Variants in SDK1 observed in about 807,000 individuals in gnomAD.
The protein encoded by SDK1 is sidekick cell adhesion molecule 1, also known as protein sidekick-1.
Under a neutral mutation model 245.5 loss-of-function variants are expected in SDK1, and 157 were observed. The observed-to-expected ratio is 0.64, with a 90% CI of 0.56 to 0.73. The LOEUF (loss-of-function observed/expected upper bound fraction) is 0.73, where lower values mean the gene tolerates loss of function less well. Ranked by LOEUF, SDK1 falls within the 30% of genes least tolerant of loss-of-function variation. The pLI is 0.00. For missense variants in SDK1, 3,583 were observed against 3,002.3 expected (o/e 1.19, Z -4.52); for synonymous variants, 1,647 against 1,278.5 (o/e 1.29, Z -6.15).
At chr7:4,225,894 G>T (rs1050795607) in intron 40 of SDK1, among the ~76,000 whole-genome samples, 1 of 152,098 alleles carries the variant, frequency 6.6e-6, no homozygotes, top group African/African-American at 2.4e-5. Context: ...TTCAAAAGCA[G>T]GTCGCCAACG....
intron 4 of SDK1, among the ~76,000 whole-genome samples, chr7:3,688,953 G>C (rs770557227): frequency 1.3e-5 from 2 of 152,104 alleles, no homozygotes; most frequent in Admixed American, 6.5e-5. Context: ...TCTAGGACAG[G>C]TCAGCAGACT....
chr7:3,951,044 G>C lies in SDK1; in HGVS notation c.959+10G>C. The stretch of plus-strand genomic sequence containing the variant: ...GTATAGCCAGTGCCAGGTACGAGGC[G>C]CGTCTCCTGTGAGACTCCTAGTAAA... On this transcript the variant is annotated intron_variant, in intron 6 of 44. Coordinates refer to ENST00000404826, the MANE Select transcript of SDK1 (RefSeq NM_152744.4). 1 of 1,579,964 alleles carries C rather than the reference G, an allele frequency of 6.3e-7. No individual in the cohort carries two copies. Among genetic ancestry groups the C allele is most frequent in the Non-Finnish European group, 8.7e-7 (1 of 1,148,856 alleles).
chr7:3,642,156 C>G (rs1189983796), intron 4 of SDK1, 51 bp downstream of exon 4: 1 of 1,560,756 alleles, frequency 6.4e-7, no homozygotes, highest in South Asian at 1.1e-5. Flanking sequence ...ATGTCACTTG[C>G]TGGCACCATC....
chr7:3,390,546 T>C (rs896798518), intron 1 of SDK1, among the ~76,000 whole-genome samples: 14 of 152,206 alleles, frequency 9.2e-5, no homozygotes, highest in Admixed American at 3.9e-4. Flanking sequence ...TTTGCAGATG[T>C]AATTAAATAA....
chr7:3,670,745 C>T (rs1783675159), intron 4 of SDK1, among the ~76,000 whole-genome samples: 1 of 152,216 alleles, frequency 6.6e-6, no homozygotes, highest in Non-Finnish European at 1.5e-5. Flanking sequence ...TATCCTTCTG[C>T]AGCAAAGGAC....
In SDK1 at chr7:3,776,173, T is replaced by G. The variant is rs577373020; in HGVS notation, c.714-45277T>G. On this transcript the variant is annotated intron_variant, in intron 4 of 44. Transcript: ENST00000404826. Reference sequence around the variant, plus strand: ...GAATACATGACTGAGTGTAAGTTAATGAACGAATGAGTAGCATTTGCTTTG... The same window carrying G: ...GAATACATGACTGAGTGTAAGTTAAGGAACGAATGAGTAGCATTTGCTTTG... Among the ~76,000 whole-genome samples, 10 of 152,366 alleles carry G rather than the reference T, an allele frequency of 6.6e-5. 1 individual carries two copies. The South Asian group carries it at 2.1e-3, about 32-fold the overall frequency.
intron 37 of SDK1, among the ~76,000 whole-genome samples, chr7:4,209,694 C>CA (rs150389227): frequency 0.017 from 2,549 of 152,292 alleles, 76 homozygotes; most frequent in African/African-American, 0.058. Flanking sequence ...TGGAATCCTC[C>CA]AGCAGTTGCT....
At chr7:3,840,297 A>G (rs929865931) in intron 5 of SDK1, among the ~76,000 whole-genome samples, 2 of 152,222 alleles carry the variant, frequency 1.3e-5, no homozygotes, top group African/African-American at 2.4e-5. Flanking sequence ...TTGGGCCAAT[A>G]TATTTAACAA....
chr7:3,977,774 G>T (rs1361513933), intron 13 of SDK1, among the ~76,000 whole-genome samples: 1 of 152,214 alleles, frequency 6.6e-6, no homozygotes, highest in East Asian at 1.9e-4. Context: ...CACCTTGGTG[G>T]CACTGTTTTG....
chr7:4,205,950 C>G lies in SDK1; in HGVS notation c.5170C>G (p.Pro1724Ala). 6.4e-7 allele frequency: 1 copy of G among 1,563,158 alleles called. No homozygotes were observed. Among genetic ancestry groups the G allele is most frequent in the Non-Finnish European group, 8.7e-7 (1 of 1,153,290 alleles). The part of the protein sequence containing the change: ...TASQLEVTWD[P>A]PPPESQNGNI... The stretch of plus-strand genomic sequence containing the variant: ...CAGCCAGCTGGAGGTCACGTGGGAC[C>G]CACCACCCCCGGAGAGCCAGAATGG... The change falls in exon 36 of 45, where the codon CCA (proline) becomes GCA (alanine). Residue 1724 changes from proline to alanine, a missense_variant. By Grantham distance (27) the Pro-to-Ala change is conservative. Transcript: ENST00000404826.
At chr7:4,069,368 A>T (rs941502286) in intron 20 of SDK1, among the ~76,000 whole-genome samples, 1 of 152,222 alleles carries the variant, frequency 6.6e-6, no homozygotes, top group Non-Finnish European at 1.5e-5. Context: ...TGTCAGCCAT[A>T]TATAGGACAC....
At chr7:3,817,483 C>G (rs542279423) in intron 4 of SDK1, among the ~76,000 whole-genome samples, 8 of 152,342 alleles carry the variant, frequency 5.3e-5, no homozygotes, top group Middle Eastern at 3.4e-3. Flanking sequence ...AATGTATACT[C>G]TTACTCTTCC....
chr7:3,950,280 G>A (rs1780750383), intron 5 of SDK1, among the ~76,000 whole-genome samples: 1 of 152,170 alleles, frequency 6.6e-6, no homozygotes, highest in African/African-American at 2.4e-5. Flanking sequence ...GCTTCTCATG[G>A]GAGTTCAGGT....
intron 19 of SDK1, among the ~76,000 whole-genome samples, chr7:4,057,552 G>C (rs529791545): frequency 1.3e-5 from 2 of 152,000 alleles, no homozygotes; most frequent in African/African-American, 2.4e-5. Flanking sequence ...AGGGCCTTGA[G>C]AACCCACCCA....
intron 28 of SDK1, among the ~76,000 whole-genome samples, chr7:4,135,514 C>T (rs781771205): frequency 5.9e-5 from 9 of 152,242 alleles, no homozygotes; most frequent in East Asian, 1.9e-4. Flanking sequence ...TCAGATGGCA[C>T]GAACCTTGGG....
At chr7:4,261,982 G>A (rs1387537897) in intron 44 of SDK1, among the ~76,000 whole-genome samples, 5 of 145,864 alleles carry the variant, frequency 3.4e-5, no homozygotes, top group Non-Finnish European at 7.5e-5. Context: ...CACCTTCTTA[G>A]GGGAAAAAAA....
At position 4,265,795 on chromosome 7, in the gene SDK1, T is replaced by C. The variant is rs917460902; in HGVS notation, c.*411T>C. 4.0e-6 allele frequency: 4 copies of C among 1,006,656 alleles called. No individual in the cohort carries two copies. The highest frequency in any genetic ancestry group is 5.9e-5 in the Admixed American group (1 of 16,850). The allele number at this position is 1,006,656 out of a possible 1,614,324, so 62.4% of individuals were successfully genotyped here. A position where few individuals can be genotyped will look rare whatever the true frequency, so the allele number is the denominator to read the frequency against. On this transcript the variant is annotated 3_prime_UTR_variant, in exon 45 of 45. Transcript: ENST00000404826. The stretch of plus-strand genomic sequence containing the variant: ...AGCTGCCCCGGCCGGCCCCCGTCTC[T>C]TTCTACCTCCTCTTCCAGAGAACCA...
At chr7:4,021,477 T>G (rs1786890018) in intron 17 of SDK1, among the ~76,000 whole-genome samples, 1 of 152,192 alleles carries the variant, frequency 6.6e-6, no homozygotes, top group Non-Finnish European at 1.5e-5. Context: ...GTGTTTTTAC[T>G]TTTCTCACAT....
chr7:3,604,693 C>G (rs971141166), intron 1 of SDK1, among the ~76,000 whole-genome samples: 3 of 148,600 alleles, frequency 2.0e-5, no homozygotes, highest in Non-Finnish European at 4.5e-5. Flanking sequence ...ACCTCTACCT[C>G]CTGGGTTCAA....
Sources: allele counts gnomAD v4.1 joint callset (sites outside exome capture counted in the v4.1 genomes callset), GRCh38; gene constraint gnomAD v4.1.1; transcripts MANE v1.5; gene names NCBI Gene and HGNC (gene_info 2026-07-23, HGNC 2026-07-21).